The following BACE2 variants were observed in gnomAD, a reference collection of about 807,000 sequenced individuals.
BACE2 encodes beta-secretase 2, also known as 56 kDa aspartic-like protease.
BACE2 carries 17 observed loss-of-function variants against 46.2 expected under a neutral mutation model. The observed-to-expected ratio is 0.37, with a 90% confidence interval of 0.25 to 0.55. The LOEUF is 0.55. BACE2 is among the 20% of genes least tolerant of loss of function. BACE2 has a pLI of 0.82. For synonymous variants in BACE2, 277 were observed against 295.9 expected (o/e 0.94, Z 0.66); for missense variants, 595 against 698.1 (o/e 0.85, Z 1.66).
Position 41,275,354 on chromosome 21 carries a change from CCTTT to C in BACE2, c.1304-14_1304-11del. On this transcript the variant is annotated splice_polypyrimidine_tract_variant and intron_variant, in intron 8 of 8. Coordinates refer to ENST00000330333, the MANE Select transcript of BACE2 (RefSeq NM_012105.5). ...GCTCATTTCACAGCTGTGGATTTTCCCTTTCTGTCTCCCCAGAAATTGCAGGTGC... is the reference window on the plus strand; with the variant it reads ...GCTCATTTCACAGCTGTGGATTTTCCCTGTCTCCCCAGAAATTGCAGGTGC... 1 of 1,613,758 alleles carries C rather than the reference CCTTT, an allele frequency of 6.2e-7. No homozygotes were observed. Among genetic ancestry groups the C allele is most frequent in the Non-Finnish European group, 8.5e-7 (1 of 1,179,864 alleles).
chr21:41,227,012 G>A (rs1178400823), intron 2 of BACE2, among the ~76,000 whole-genome samples: 7 of 152,228 alleles, frequency 4.6e-5, no homozygotes, highest in African/African-American at 1.4e-4. Flanking sequence ...GCAGGCTTCC[G>A]AGCAGCCCTG....
chr21:41,233,222 G>A (rs934342396), intron 2 of BACE2, among the ~76,000 whole-genome samples: 2 of 152,144 alleles, frequency 1.3e-5, no homozygotes, highest in African/African-American at 4.8e-5. Flanking sequence ...CAGCTATTTT[G>A]TGGCATATCT....
intron 1 of BACE2, among the ~76,000 whole-genome samples, chr21:41,172,432 T>C (rs1376961327): frequency 6.6e-6 from 1 of 152,210 alleles, no homozygotes; most frequent in African/African-American, 2.4e-5. Flanking sequence ...TGCAACGTCC[T>C]GGAAAATGTG....
chr21:41,262,458 G>A (rs771036662), intron 8 of BACE2, among the ~76,000 whole-genome samples: 15 of 151,930 alleles, frequency 9.9e-5, no homozygotes, highest in Non-Finnish European at 2.1e-4. Context: ...TTAGTTATAG[G>A]ACAATATCTG....
In BACE2 at chr21:41,198,888, A is replaced by ATTTATTG. The variant is rs530458143; in HGVS notation, c.313-27377_313-27376insTTATTGT. Among the ~76,000 whole-genome samples the ATTTATTG allele has an allele frequency of 5.9e-3, 778 of 131,710 alleles. 3 individuals carry two copies. Among genetic ancestry groups the ATTTATTG allele is most frequent in the African/African-American group, 0.021 (743 of 34,836 alleles). The allele number at this position is 131,710 out of a possible 152,430, so 86.4% of individuals were successfully genotyped here. A position where few individuals can be genotyped will look rare whatever the true frequency, so the allele number is the denominator to read the frequency against. ...TTATTTATTTATTTATTTATTTATTATACTTTAAGTTCTAGGGTACATGTG... is the reference window on the plus strand; with the variant it reads ...TTATTTATTTATTTATTTATTTATTATTTATTGTACTTTAAGTTCTAGGGTACATGTG... On this transcript the variant is annotated intron_variant, in intron 1 of 8. Coordinates refer to ENST00000330333, the MANE Select transcript of BACE2 (RefSeq NM_012105.5).
rs560152204 is a variant in BACE2, at chr21:41,224,633, C to A, written c.313-1633C>A. Among the ~76,000 whole-genome samples, 3 of 152,298 alleles carry A rather than the reference C, an allele frequency of 2.0e-5. No homozygotes were observed. The East Asian group carries it at 5.8e-4, about 29-fold the overall frequency. On this transcript the variant is annotated intron_variant, in intron 1 of 8. Transcript: ENST00000330333. ...GTCTGGACTTGGGATAGATGCTGGG[C>A]ATAAAATGATAAGTAACATACACAC...
At chr21:41,260,900 A>AT (rs1290065138) in intron 8 of BACE2, among the ~76,000 whole-genome samples, 2 of 151,802 alleles carry the variant, frequency 1.3e-5, no homozygotes, top group Admixed American at 6.6e-5. Context: ...ATTTTTTTTT[A>AT]TTTTTAAATT....
intron 3 of BACE2, among the ~76,000 whole-genome samples, chr21:41,239,046 T>C (rs917144541): frequency 6.7e-6 from 1 of 149,050 alleles, no homozygotes; most frequent in Non-Finnish European, 1.5e-5. Flanking sequence ...CTCACCTTGC[T>C]CAGCGTTAGG....
At chr21:41,225,925 C>A (rs1242085676) in intron 1 of BACE2, among the ~76,000 whole-genome samples, 1 of 152,120 alleles carries the variant, frequency 6.6e-6, no homozygotes, top group African/African-American at 2.4e-5. Flanking sequence ...AGGGCTAAAC[C>A]TGGCCGAAAG....
intron 4 of BACE2, among the ~76,000 whole-genome samples, chr21:41,243,114 A>C (rs1987354280): frequency 6.6e-6 from 1 of 152,080 alleles, no homozygotes; most frequent in Non-Finnish European, 1.5e-5. Context: ...GGGTTTCACC[A>C]TGCTAGCCAG....
intron 8 of BACE2, among the ~76,000 whole-genome samples, chr21:41,258,933 G>A (rs182400135): frequency 1.3e-5 from 2 of 152,292 alleles, no homozygotes; most frequent in African/African-American, 2.4e-5. Context: ...GTGGCAGCAG[G>A]TGGGACTGAA....
chr21:41,266,318 TTG>T (rs1185870214), intron 8 of BACE2, among the ~76,000 whole-genome samples: 1 of 152,230 alleles, frequency 6.6e-6, no homozygotes, highest in Non-Finnish European at 1.5e-5. Context: ...CATCTTGTTT[TTG>T]TGTCTGCTGG....
intron 8 of BACE2, among the ~76,000 whole-genome samples, chr21:41,269,832 T>G (rs1371060673): frequency 1.3e-5 from 2 of 152,182 alleles, no homozygotes; most frequent in Non-Finnish European, 2.9e-5. Flanking sequence ...ATATATTTTG[T>G]TTTTTATTTC....
At chr21:41,256,084 GT>G (rs145187642) in intron 7 of BACE2, among the ~76,000 whole-genome samples, 1,595 of 148,058 alleles carry the variant, frequency 0.011, 31 homozygotes, top group African/African-American at 0.037. Context: ...TGTTTGTTTT[GT>G]TTTTTTTTGT....
intron 1 of BACE2, chr21:41,184,895 T>A (rs1280188358): frequency 6.0e-6 from 1 of 167,032 alleles, no homozygotes; most frequent in Non-Finnish European, 1.5e-5. Context: ...TTTTACAAAA[T>A]AAGCCTAATC....
At chr21:41,201,847 A>C (rs1250861292) in intron 1 of BACE2, among the ~76,000 whole-genome samples, 1 of 152,222 alleles carries the variant, frequency 6.6e-6, no homozygotes, top group Non-Finnish European at 1.5e-5. Flanking sequence ...TGAGGGTTTT[A>C]AGCAGTAATC....
intron 3 of BACE2, among the ~76,000 whole-genome samples, chr21:41,240,019 C>T (rs1264101723): frequency 2.0e-5 from 3 of 152,226 alleles, no homozygotes; most frequent in Admixed American, 6.5e-5. Context: ...CCTGACTCTC[C>T]GTGCGACATT....
Position 41,269,487 on chromosome 21 carries a change from C to T in BACE2, c.1304-5884C>T, listed in dbSNP as rs1006891614. ...ATATGCACTGAGCTGTTTTCCCTGC[C>T]TCCCAGGTCCTGTGGACCCCATGCC... On this transcript the variant is annotated intron_variant, in intron 8 of 8. Transcript: ENST00000330333. 1.9e-4 allele frequency among the ~76,000 whole-genome samples: 29 copies of T among 152,290 alleles called. No homozygotes were observed. The South Asian group carries it at 5.2e-3, about 27-fold the overall frequency.
chr21:41,224,857 C>G (rs2123571384), intron 1 of BACE2, among the ~76,000 whole-genome samples: 1 of 152,336 alleles, frequency 6.6e-6, no homozygotes, highest in East Asian at 1.9e-4. Context: ...AACCAAATGG[C>G]CCATGGACCC....
Sources: gnomAD v4.1 joint callset for allele counts (sites outside exome capture counted in the v4.1 genomes callset) on GRCh38, gnomAD v4.1.1 for gene constraint, MANE v1.5 for transcripts, NCBI Gene and HGNC (gene_info 2026-07-23, HGNC 2026-07-21) for gene names.